SYPL2: variants seen among roughly 807,000 people sequenced by gnomAD.
SYPL2 encodes the protein synaptophysin-like protein 2.
A neutral mutation model predicts 31.3 loss-of-function variants in SYPL2; 24 were observed. The observed-to-expected ratio is 0.77, with a 90% CI of 0.56 to 1.08. The LOEUF (loss-of-function observed/expected upper bound fraction) is 1.08. Among genes scored for constraint, SYPL2 ranks in the 50% least tolerant of loss-of-function variants. The pLI, the probability that SYPL2 is intolerant of heterozygous loss-of-function variation, is 0.00. For missense variants in SYPL2, 342 were observed against 360.1 expected, an observed-to-expected ratio of 0.95 and a Z score of 0.41; for synonymous variants, 144 against 143.1, an observed-to-expected ratio of 1.01 and a Z score of -0.05.
Position 109,475,655 on chromosome 1 carries a change from C to T in SYPL2, c.204C>T (p.Asn68=), listed in dbSNP as rs557999371. ...CAGGAGCAATGGTTCGCTGCAACAA[C>T]GAAGCCAAGGACGTGAGCTCCATCA... ...GETGAMVRCN[N]EAKDVSSIIV... is the part of the protein sequence containing the mutation. The change falls in exon 3 of 6, where the codon AAC becomes AAT. Residue 68 remains asparagine, a synonymous_variant. Coordinates refer to ENST00000369872, the MANE Select transcript of SYPL2 (RefSeq NM_001040709.2). 1.4e-5 allele frequency: 23 copies of T among 1,614,168 alleles called. No individual in the cohort carries two copies. The highest frequency in any genetic ancestry group is 6.7e-5 in the Admixed American group (4 of 60,020).
intron 2 of SYPL2, among the ~76,000 whole-genome samples, chr1:109,470,390 G>A (rs1024526004): frequency 2.6e-5 from 4 of 152,184 alleles, no homozygotes; most frequent in African/African-American, 9.7e-5. Context: ...AGTGTCCTCA[G>A]GACTGTCACA....
At chr1:109,468,643 T>C (rs192433463) in intron 2 of SYPL2, among the ~76,000 whole-genome samples, 63 of 152,296 alleles carry the variant, frequency 4.1e-4, no homozygotes, top group African/African-American at 1.4e-3. Flanking sequence ...AATTTTACCA[T>C]TAAATTAGAC....
chr1:109,479,586 C>G lies in SYPL2; in HGVS notation c.*38C>G, dbSNP rs901041088. On this transcript the variant is annotated 3_prime_UTR_variant, in exon 6 of 6. Transcript: ENST00000369872. ...CTGGCTATTCCCGAACTGGACAGCA[C>G]CTCTTCAACCACCTCCGGCTTCCAG... 1.5e-5 allele frequency: 24 copies of G among 1,593,112 alleles called. No individual in the cohort carries two copies. Among genetic ancestry groups the G allele is most frequent in the Non-Finnish European group, 2.0e-5 (23 of 1,166,338 alleles).
At chr1:109,468,464 C>T (rs1655725354) in intron 2 of SYPL2, among the ~76,000 whole-genome samples, 2 of 152,200 alleles carry the variant, frequency 1.3e-5, no homozygotes, top group Admixed American at 6.5e-5. Flanking sequence ...GGGGACTCTC[C>T]ACCTTTCTTA....
In SYPL2 at chr1:109,466,901, G is replaced by A. The variant is rs1187382079; in HGVS notation, c.54+4G>A. The A allele has an allele frequency of 3.9e-6, 6 of 1,530,362 alleles. No individual in the cohort carries two copies. The South Asian group carries it at 7.2e-5, about 18-fold the overall frequency. The allele number at this position is 1,530,362 out of a possible 1,614,324, so 94.8% of individuals were successfully genotyped here. A position where few individuals can be genotyped will look rare whatever the true frequency, so the allele number is the denominator to read the frequency against. On this transcript the variant is annotated splice_donor_region_variant and intron_variant, in intron 1 of 5. Coordinates refer to ENST00000369872, the MANE Select transcript of SYPL2 (RefSeq NM_001040709.2). ...GGACAAGTCGCCGCGCCAGCAGGTAGTCCCTGCGCGCCCAGGACTCTCACC... is the reference window on the plus strand; with the variant it reads ...GGACAAGTCGCCGCGCCAGCAGGTAATCCCTGCGCGCCCAGGACTCTCACC...
At position 109,476,914 on chromosome 1, in the gene SYPL2, T is replaced by C; in HGVS notation, c.393T>C (p.Ala131=). Residue 131 remains alanine, a synonymous_variant, in exon 4 of 6, where the codon GCT becomes GCC. Transcript: ENST00000369872. ...LGIFSFFYTM[A]ALVIYLRFHN... ...TCTTTTCCTTCTTCTATACCATGGC[T>C]GCCCTAGTTATCTACCTGCGCTTCC... 6.2e-7 allele frequency: 1 copy of C among 1,614,212 alleles called. No homozygotes were observed. Among genetic ancestry groups the C allele is most frequent in the Non-Finnish European group, 8.5e-7 (1 of 1,180,034 alleles).
intron 2 of SYPL2, among the ~76,000 whole-genome samples, chr1:109,470,691 T>C (rs1447810054): frequency 6.6e-6 from 1 of 152,094 alleles, no homozygotes; most frequent in Non-Finnish European, 1.5e-5. Context: ...TTCCTTCTCT[T>C]CTCTGTGTCT....
intron 2 of SYPL2, among the ~76,000 whole-genome samples, chr1:109,474,585 C>T (rs1655941161): frequency 1.3e-5 from 2 of 152,054 alleles, no homozygotes; most frequent in Admixed American, 1.3e-4. Flanking sequence ...AAATGATCCA[C>T]CCGCCTCAGC....
intron 2 of SYPL2, among the ~76,000 whole-genome samples, chr1:109,467,467 C>T (rs1375858305): frequency 6.6e-6 from 1 of 151,958 alleles, no homozygotes; most frequent in Non-Finnish European, 1.5e-5. Context: ...TCCTTGGTGA[C>T]GGGAGGGGGG....
At chr1:109,475,809 G>A in intron 3 of SYPL2, 104 bp downstream of exon 3, 1 of 1,470,520 alleles carries the variant, frequency 6.8e-7, no homozygotes, top group Non-Finnish European at 9.2e-7. Flanking sequence ...TTCATTGCGT[G>A]CCACTCCAGA....
intron 2 of SYPL2, chr1:109,475,320 T>A (rs1338567742): frequency 2.9e-6 from 1 of 345,302 alleles, no homozygotes. Context: ...ATCTGGCAAC[T>A]GTCCATTTCC....
At chr1:109,471,691 A>T (rs1290808621) in intron 2 of SYPL2, among the ~76,000 whole-genome samples, 1 of 152,104 alleles carries the variant, frequency 6.6e-6, no homozygotes, top group Non-Finnish European at 1.5e-5. Context: ...CTGGGATTAC[A>T]GGCATGAGCC....
chr1:109,478,051 T>G lies in SYPL2; in HGVS notation c.648+42T>G. On this transcript the variant is annotated intron_variant, in intron 5 of 5. Transcript: ENST00000369872. This position sits in a 1 kb window ranked among gnomAD's most constrained non-coding sequence, Gnocchi z 4.0. ...CTGCAGGAAGCAGCACCAGCCCTGCTGCCCAGGCCTGTCCCAGCTAGCAGG... is the reference window on the plus strand; with the variant it reads ...CTGCAGGAAGCAGCACCAGCCCTGCGGCCCAGGCCTGTCCCAGCTAGCAGG... The G allele has an allele frequency of 2.5e-6, 4 of 1,607,034 alleles. No individual in the cohort carries two copies. The highest frequency in any genetic ancestry group is 3.4e-6 in the Non-Finnish European group (4 of 1,177,228).
intron 3 of SYPL2, among the ~76,000 whole-genome samples, chr1:109,476,514 G>A (rs2101005478): frequency 6.6e-6 from 1 of 152,290 alleles, no homozygotes; most frequent in Non-Finnish European, 1.5e-5. Context: ...GGAGACACTT[G>A]GGAATACATG....
Position 109,479,659 on chromosome 1 carries a change from T to C in SYPL2, c.*111T>C, listed in dbSNP as rs1007488683. Reference sequence around the variant, plus strand: ...CAATTCCCCTCCCCCATCATTCTGGTCTTTGAGCTTTGAGACGATGGGCAG... The same window carrying C: ...CAATTCCCCTCCCCCATCATTCTGGCCTTTGAGCTTTGAGACGATGGGCAG... On this transcript the variant is annotated 3_prime_UTR_variant, in exon 6 of 6. Transcript: ENST00000369872. 6 of 1,491,748 alleles carry C rather than the reference T, an allele frequency of 4.0e-6. No homozygotes were observed. The African/African-American group carries it at 7.0e-5, about 17-fold the overall frequency. 92.4% of individuals were successfully genotyped at this position (1,491,748 alleles called of 1,614,324 possible). A position where few individuals can be genotyped will look rare whatever the true frequency, so the allele number is the denominator to read the frequency against.
At position 109,478,093 on chromosome 1, in the gene SYPL2, A is replaced by G; in HGVS notation, c.648+84A>G. On this transcript the variant is annotated intron_variant, in intron 5 of 5. Transcript: ENST00000369872. The surrounding 1 kb of genome is among the most constrained non-coding windows in gnomAD (Gnocchi z 4.0). ...GCTAGCAGGTCCTGAAAGGAAAGAG[A>G]GGGTGTCCCAGAGCTGGTGTCCCCT... The G allele has an allele frequency of 1.3e-6, 2 of 1,539,952 alleles. No homozygotes were observed. Among genetic ancestry groups the G allele is most frequent in the East Asian group, 4.8e-5 (2 of 41,670 alleles).
At chr1:109,466,952 C>T (rs1484826522) in intron 1 of SYPL2, 55 bp downstream of exon 1, 4 of 1,533,842 alleles carry the variant, frequency 2.6e-6, no homozygotes, top group Admixed American at 3.9e-5. Context: ...AGATGTCGGG[C>T]TGCACACTTA....
chr1:109,468,761 C>T (rs1655736195), intron 2 of SYPL2, among the ~76,000 whole-genome samples: 1 of 152,196 alleles, frequency 6.6e-6, no homozygotes, highest in Non-Finnish European at 1.5e-5. Flanking sequence ...AAGCTTCCTT[C>T]TTCAATCCTG....
chr1:109,478,815 A>G lies in SYPL2; in HGVS notation c.649-563A>G, dbSNP rs1050515809. 9.8e-5 allele frequency among the ~76,000 whole-genome samples: 15 copies of G among 152,320 alleles called. No homozygotes were observed. The highest frequency in any genetic ancestry group is 3.6e-4 in the African/African-American group (15 of 41,572). ...CTTTTTACTAGACTTGCTTTATCAC[A>G]TATTTATTCACTTCTTCATCCATCA... is the stretch of plus-strand genomic sequence containing the variant. On this transcript the variant is annotated intron_variant, in intron 5 of 5. Transcript: ENST00000369872. This position sits in a 1 kb window ranked among gnomAD's most constrained non-coding sequence, Gnocchi z 4.0.
Sources: allele counts gnomAD v4.1 joint callset (sites outside exome capture counted in the v4.1 genomes callset), GRCh38; gene constraint gnomAD v4.1.1; non-coding constraint Gnocchi (gnomAD v3.1); transcripts MANE v1.5; gene names NCBI Gene and HGNC (gene_info 2026-07-23, HGNC 2026-07-21).